CADPS2: variants seen among roughly 807,000 people sequenced by gnomAD.
CADPS2 encodes calcium dependent secretion activator 2, also known as calcium-dependent secretion activator 2.
Under a neutral mutation model 172.5 loss-of-function variants are expected in CADPS2, and 93 were observed. The ratio of observed to expected loss-of-function variants is 0.54; its 90% confidence interval spans 0.46 to 0.64. CADPS2 has a LOEUF of 0.64. Among genes scored for constraint, CADPS2 ranks in the 30% least tolerant of loss-of-function variants. The pLI is 0.00. For missense variants in CADPS2, 1,420 were observed against 1,565.9 expected (o/e 0.91, Z 1.57); for synonymous variants, 546 against 555.2 (o/e 0.98, Z 0.23).
At chr7:122,686,165 TTTCTA>T (rs1242505318) in intron 2 of CADPS2, among the ~76,000 whole-genome samples, 2 of 152,204 alleles carry the variant, frequency 1.3e-5, no homozygotes, top group East Asian at 1.9e-4. Context: ...TTTCAGTTTT[TTTCTA>T]TTCTTTTATT....
chr7:122,673,166 A>G (rs968857583), intron 2 of CADPS2, among the ~76,000 whole-genome samples: 2 of 152,198 alleles, frequency 1.3e-5, no homozygotes. Flanking sequence ...GGCGGTGCGG[A>G]CCCAAAGAGT....
At chr7:122,558,607 G>T (rs1440731413) in intron 7 of CADPS2, among the ~76,000 whole-genome samples, 1 of 151,898 alleles carries the variant, frequency 6.6e-6, no homozygotes, top group Non-Finnish European at 1.5e-5. Context: ...ACCACAAAAT[G>T]GATTTTTAGG....
intron 1 of CADPS2, among the ~76,000 whole-genome samples, chr7:122,858,299 C>T (rs1815897545): frequency 6.6e-6 from 1 of 152,098 alleles, no homozygotes; most frequent in Admixed American, 6.6e-5. Flanking sequence ...AAGATTTGTC[C>T]TGCAATATAC....
At chr7:122,334,144 TA>T (rs1214147216) in intron 28 of CADPS2, among the ~76,000 whole-genome samples, 1 of 152,044 alleles carries the variant, frequency 6.6e-6, no homozygotes, top group Non-Finnish European at 1.5e-5. Context: ...ATGAATGAAA[TA>T]AAAGAGAAAG....
At chr7:122,612,671 C>A (rs368630763) in intron 6 of CADPS2, among the ~76,000 whole-genome samples, 53 of 152,116 alleles carry the variant, frequency 3.5e-4, no homozygotes, top group African/African-American at 1.3e-3. Flanking sequence ...GTAATCTTTG[C>A]ATAATCTTTA....
chr7:122,417,875 C>T (rs1277769468), intron 17 of CADPS2, among the ~76,000 whole-genome samples: 1 of 152,138 alleles, frequency 6.6e-6, no homozygotes, highest in Non-Finnish European at 1.5e-5. Context: ...TACTGTATGA[C>T]ACAGATGAGG....
chr7:122,698,396 C>A (rs779925189), intron 2 of CADPS2: 1 of 1,613,990 alleles, frequency 6.2e-7, no homozygotes, highest in South Asian at 1.1e-5. Flanking sequence ...TCAACCACGG[C>A]TGTAATGAGA....
At chr7:122,734,425 G>A (rs1306761460) in intron 2 of CADPS2, among the ~76,000 whole-genome samples, 3 of 137,580 alleles carry the variant, frequency 2.2e-5, no homozygotes, top group East Asian at 2.2e-4. Context: ...CATTTAACTC[G>A]GATGCTTACA....
intron 1 of CADPS2, among the ~76,000 whole-genome samples, chr7:122,769,243 A>C (rs2093641604): frequency 6.6e-6 from 1 of 152,212 alleles, no homozygotes; most frequent in Non-Finnish European, 1.5e-5. Flanking sequence ...CACAGCTAAA[A>C]ATTAGAGTCA....
At chr7:122,345,114 CTTTTTATT>C (rs2037371659) in intron 28 of CADPS2, among the ~76,000 whole-genome samples, 1 of 151,806 alleles carries the variant, frequency 6.6e-6, no homozygotes, top group Admixed American at 6.6e-5. Flanking sequence ...ATGGCTTCAA[CTTTTTATT>C]TTTTTATTTA....
At chr7:122,503,190 CCTGG>C (rs771637453) in intron 9 of CADPS2, among the ~76,000 whole-genome samples, 9 of 151,976 alleles carry the variant, frequency 5.9e-5, no homozygotes, top group African/African-American at 1.2e-4. Flanking sequence ...TGCCACCACA[CCTGG>C]CTGGCTAATT....
chr7:122,881,114 A>G (rs886112320), intron 1 of CADPS2, among the ~76,000 whole-genome samples: 2 of 152,148 alleles, frequency 1.3e-5, no homozygotes, highest in African/African-American at 2.4e-5. Context: ...CAGCTTTCCT[A>G]TTTTGTTTTG....
intron 2 of CADPS2, among the ~76,000 whole-genome samples, chr7:122,735,570 CT>C (rs1285651261): frequency 2.6e-5 from 4 of 152,020 alleles, no homozygotes; most frequent in African/African-American, 4.8e-5. Context: ...ACTACGCTTA[CT>C]TTTAAAAACT....
In CADPS2 at chr7:122,728,815, A is replaced by G. The variant is rs76203417; in HGVS notation, c.453+8140T>C. Among the ~76,000 whole-genome samples the G allele has an allele frequency of 5.3e-5, 8 of 151,946 alleles. No homozygotes were observed. The East Asian group carries it at 1.6e-3, about 30-fold the overall frequency. ...TCTGTTATAGGCATAAGGTAACACT[A>G]ATGATAATTTTCTTACATTTGTAAT... is the stretch of plus-strand genomic sequence containing the variant. On this transcript the variant is annotated intron_variant, in intron 2 of 29. Transcript: ENST00000449022.
At chr7:122,396,956 C>CTA (rs539578873) in intron 20 of CADPS2, among the ~76,000 whole-genome samples, 54 of 152,174 alleles carry the variant, frequency 3.5e-4, no homozygotes, top group Non-Finnish European at 5.4e-4. Context: ...AAGATTATTA[C>CTA]ATTATTATTG....
intron 8 of CADPS2, among the ~76,000 whole-genome samples, chr7:122,527,607 AGAGAGAGAGAGTGTGT>A (rs1479888582): frequency 9.7e-5 from 12 of 123,538 alleles, no homozygotes; most frequent in African/African-American, 1.9e-4. Context: ...AGAGAGAGAG[AGAGAGAGAGAGTGTGT>A]GTGTGTGTGT....
intron 7 of CADPS2, among the ~76,000 whole-genome samples, chr7:122,574,049 G>A (rs982405554): frequency 1.8e-4 from 27 of 152,074 alleles, no homozygotes; most frequent in African/African-American, 6.0e-4. Flanking sequence ...ATGTAAGTTT[G>A]TTGGTGGTGG....
intron 1 of CADPS2, among the ~76,000 whole-genome samples, chr7:122,838,759 C>T (rs1809401988): frequency 6.6e-6 from 1 of 152,166 alleles, no homozygotes; most frequent in African/African-American, 2.4e-5. Context: ...CTACAAACCA[C>T]TGCTCAACGA....
intron 3 of CADPS2, among the ~76,000 whole-genome samples, chr7:122,630,319 GAGT>G (rs1429090977): frequency 6.6e-6 from 1 of 151,600 alleles, no homozygotes; most frequent in African/African-American, 2.4e-5. Flanking sequence ...TCAAAAAGAT[GAGT>G]AGAAGCAAAC....
Sources: allele counts gnomAD v4.1 joint callset (sites outside exome capture counted in the v4.1 genomes callset), GRCh38; gene constraint gnomAD v4.1.1; transcripts MANE v1.5; gene names NCBI Gene and HGNC (gene_info 2026-07-23, HGNC 2026-07-21).